Variants in TPRX1 observed in about 807,000 individuals in gnomAD.
The protein encoded by TPRX1 is tetrapeptide repeat homeobox 1.
A neutral mutation model predicts 8.1 loss-of-function variants in TPRX1; 2 were observed. The observed-to-expected ratio is 0.25, with a 90% CI of 0.10 to 0.78. The LOEUF is 0.78. TPRX1 is among the 30% of genes least tolerant of loss of function. The probability of loss-of-function intolerance (pLI) is 0.70; values close to 1 mark genes in which losing one functional copy is unlikely to be tolerated. For synonymous variants in TPRX1, 257 were observed against 254.1 expected (o/e 1.01, Z -0.11); for missense variants, 517 against 586.9 (o/e 0.88, Z 1.23).
At chr19:47,817,118 G>T (rs1040284862) in intron 2 of TPRX1, among the ~76,000 whole-genome samples, 1 of 152,160 alleles carries the variant, frequency 6.6e-6, no homozygotes, top group Non-Finnish European at 1.5e-5. Flanking sequence ...GTTCTCACAG[G>T]TAAGGCCTGA....
intron 2 of TPRX1, among the ~76,000 whole-genome samples, chr19:47,807,915 G>C (rs1412750569): frequency 6.6e-6 from 1 of 151,860 alleles, no homozygotes; most frequent in South Asian, 2.1e-4. Flanking sequence ...GATGAAATGT[G>C]TATAGTACCC....
intron 1 of TPRX1, among the ~76,000 whole-genome samples, chr19:47,818,704 T>C (rs1967874199): frequency 6.6e-6 from 1 of 152,216 alleles, no homozygotes. Flanking sequence ...GATCCTCCAG[T>C]ATTCCATACA....
intron 2 of TPRX1, among the ~76,000 whole-genome samples, chr19:47,808,262 C>T (rs1041813158): frequency 2.0e-5 from 3 of 151,944 alleles, no homozygotes; most frequent in Admixed American, 6.6e-5. Context: ...TTACAGGCAC[C>T]CACCATGATG....
At chr19:47,808,162 TG>T (rs2123715259) in intron 2 of TPRX1, among the ~76,000 whole-genome samples, 1 of 152,230 alleles carries the variant, frequency 6.6e-6, no homozygotes, top group Admixed American at 6.6e-5. Flanking sequence ...TTGCCCAGGC[TG>T]GAGTGCAATG....
At chr19:47,802,829 C>T in exon 4 of TPRX1, 1 of 1,599,636 alleles carries the variant, frequency 6.3e-7, no homozygotes, top group Non-Finnish European at 8.5e-7. Context: ...TGGAAGGATT[C>T]CCGAGGGGCC....
chr19:47,807,516 G>A (rs979773167), intron 2 of TPRX1, among the ~76,000 whole-genome samples: 5 of 151,758 alleles, frequency 3.3e-5, no homozygotes, highest in Non-Finnish European at 5.9e-5. Context: ...TTACAGGTGT[G>A]TGTTACCACA....
chr19:47,816,753 C>T (rs11668307), intron 2 of TPRX1, among the ~76,000 whole-genome samples: 62,347 of 151,088 alleles, frequency 0.41, 12,995 homozygotes, highest in Middle Eastern at 0.52. Flanking sequence ...AGGATGGTCT[C>T]GATCTCCTGA....
chr19:47,802,462 G>T (rs1342332172), exon 4 of TPRX1: 3 of 1,521,546 alleles, frequency 2.0e-6, no homozygotes, highest in African/African-American at 2.9e-5. Context: ...TCGGGCCTGG[G>T]TTTGGGCCTG....
chr19:47,817,633 T>G (rs1967856185), intron 2 of TPRX1, among the ~76,000 whole-genome samples: 1 of 152,094 alleles, frequency 6.6e-6, no homozygotes, highest in Non-Finnish European at 1.5e-5. Context: ...CACCCCCGAG[T>G]CTGCCTGGGA....
At chr19:47,807,291 A>G (rs994615492) in intron 2 of TPRX1, among the ~76,000 whole-genome samples, 1 of 152,144 alleles carries the variant, frequency 6.6e-6, no homozygotes, top group African/African-American at 2.4e-5. Flanking sequence ...TCCTGAGTTT[A>G]AACAACCAGC....
intron 2 of TPRX1, among the ~76,000 whole-genome samples, chr19:47,815,147 A>AATATATATATATATATGCAAAT (rs201727601): frequency 1.7e-4 from 6 of 35,020 alleles, no homozygotes; most frequent in South Asian, 1.0e-3. Context: ...TATATATGCA[A>AATATATATATATATATGCAAAT]ATATATATAT....
exon 2 of TPRX1, chr19:47,818,483 A>T (rs1277629515): frequency 2.2e-6 from 1 of 455,882 alleles, no homozygotes; most frequent in African/African-American, 2.0e-5. Flanking sequence ...TGTGTCTGGG[A>T]CAGTCCTAGG....
At chr19:47,805,517 G>A (rs76206299) in intron 2 of TPRX1, among the ~76,000 whole-genome samples, 1 of 152,124 alleles carries the variant, frequency 6.6e-6, no homozygotes. Context: ...ACCCACGTGG[G>A]TTCAGGGATT....
chr19:47,815,162 A>ATATATATATGCAAATATATATATATATT (rs1360730858), intron 2 of TPRX1, among the ~76,000 whole-genome samples: 15 of 74,708 alleles, frequency 2.0e-4, no homozygotes, highest in Non-Finnish European at 3.2e-4. Flanking sequence ...ATATATATAT[A>ATATATATATGCAAATATATATATATATT]TTTTTTTTTT....
chr19:47,803,759 AGCCCAGGCAGTGTGG>A, intron 2 of TPRX1, 86 bp from the exon 2 acceptor site: 1 of 679,482 alleles, frequency 1.5e-6, no homozygotes, highest in South Asian at 1.7e-5. Context: ...CCAGGCCAGG[AGCCCAGGCAGTGTGG>A]GCTGGGGCGG....
At chr19:47,814,272 C>T (rs1264732244) in intron 2 of TPRX1, among the ~76,000 whole-genome samples, 1 of 152,084 alleles carries the variant, frequency 6.6e-6, no homozygotes, top group East Asian at 1.9e-4. Flanking sequence ...CCAGGCTGGT[C>T]TCGAACTCCT....
At position 47,818,836 on chromosome 19, in the gene TPRX1, T is replaced by G. The variant is rs186890708; in HGVS notation, c.80+136A>C. 7.6e-4 allele frequency: 237 copies of G among 311,570 alleles called. 3 individuals are homozygous for G. The East Asian group carries it at 0.018, about 24-fold the overall frequency. The allele number at this position is 311,570 out of a possible 1,614,324, so 19.3% of individuals were successfully genotyped here. A position where few individuals can be genotyped will look rare whatever the true frequency, so the allele number is the denominator to read the frequency against. On this transcript the variant is annotated intron_variant, in intron 1 of 3. Coordinates refer to ENST00000535759, the Ensembl canonical transcript of TPRX1. The stretch of plus-strand genomic sequence containing the variant: ...GGATACATGTGCCATGTTGGTTTGC[T>G]GCACCCATTAACTCATCATTTACAT...
chr19:47,813,130 A>C (rs1967798896), intron 2 of TPRX1, among the ~76,000 whole-genome samples: 1 of 148,870 alleles, frequency 6.7e-6, no homozygotes, highest in South Asian at 2.1e-4. Flanking sequence ...TAAATAAATA[A>C]ATAAATAAAT....
At chr19:47,818,367 T>TCCATCCATCCTC (rs112317969) in intron 2 of TPRX1, 1 of 299,496 alleles carries the variant, frequency 3.3e-6, no homozygotes, top group Admixed American at 3.9e-5. Context: ...CATCCATCCA[T>TCCATCCATCCTC]CATCCATCAC....
Sources: allele counts gnomAD v4.1 joint callset (sites outside exome capture counted in the v4.1 genomes callset), GRCh38; gene constraint gnomAD v4.1.1; transcripts MANE v1.5; gene names NCBI Gene and HGNC (gene_info 2026-07-23, HGNC 2026-07-21).